SORCS1: variants seen among roughly 807,000 people sequenced by gnomAD.
SORCS1 encodes sortilin related VPS10 domain containing receptor 1, also known as VPS10 domain-containing receptor SorCS1.
SORCS1 carries 60 observed loss-of-function variants against 146.1 expected under a neutral mutation model. That is an observed-to-expected ratio of 0.41 (90% confidence interval 0.33 to 0.51). The LOEUF (loss-of-function observed/expected upper bound fraction) is 0.51. Ranked by LOEUF, SORCS1 falls within the 20% of genes least tolerant of loss-of-function variation. The probability of loss-of-function intolerance (pLI) is 0.21; values close to 1 mark genes in which losing one functional copy is unlikely to be tolerated. For synonymous variants in SORCS1, 637 were observed against 584.0 expected (o/e 1.09, Z -1.31); for missense variants, 1,352 against 1,487.6 (o/e 0.91, Z 1.50).
the SORCS1 span, among the ~76,000 whole-genome samples, chr10:107,173,635 C>T: frequency 7.7e-3 from 1,164 of 152,156 alleles, 7 homozygotes; most frequent in Non-Finnish European, 0.013. Flanking sequence ...TCTTTTCCTA[C>T]CTCATGTTTG....
At chr10:107,083,110 C>CAAAAAA (rs538577059) in intron 1 of SORCS1, among the ~76,000 whole-genome samples, 9 of 60,462 alleles carry the variant, frequency 1.5e-4, no homozygotes, top group Non-Finnish European at 2.3e-4. Flanking sequence ...CTCCAACTCA[C>CAAAAAA]AAAAAAAAAA....
intron 23 of SORCS1, among the ~76,000 whole-genome samples, chr10:106,599,684 G>A (rs183211429): frequency 5.3e-5 from 8 of 152,142 alleles, no homozygotes; most frequent in African/African-American, 1.7e-4. Context: ...TTTATCACAT[G>A]GACTAAAGGG....
chr10:106,820,095 T>A (rs1374150000), intron 3 of SORCS1, among the ~76,000 whole-genome samples: 2 of 152,162 alleles, frequency 1.3e-5, no homozygotes, highest in Admixed American at 1.3e-4. Context: ...TTTTTACATA[T>A]CTTTTGTTTT....
chr10:107,079,298 A>G (rs541489683), intron 1 of SORCS1, among the ~76,000 whole-genome samples: 14 of 152,270 alleles, frequency 9.2e-5, no homozygotes, highest in African/African-American at 3.1e-4. Flanking sequence ...CACTAAATAT[A>G]GGATTTTTAC....
At chr10:107,144,169 A>T (rs1315407972) in intron 1 of SORCS1, among the ~76,000 whole-genome samples, 1 of 152,158 alleles carries the variant, frequency 6.6e-6, no homozygotes, top group African/African-American at 2.4e-5. Flanking sequence ...CATATGTGAT[A>T]TCTTCTTCAA....
chr10:107,037,060 A>G (rs1958935727), intron 1 of SORCS1, among the ~76,000 whole-genome samples: 1 of 151,770 alleles, frequency 6.6e-6, no homozygotes, highest in African/African-American at 2.4e-5. Context: ...AGCCTGGCTA[A>G]CATGGTGAAA....
In SORCS1 at chr10:106,629,355, A is replaced by C; in HGVS notation, c.2509T>G (p.Phe837Val). Residue 837 changes from phenylalanine (F) to valine (V), a missense_variant, in exon 19 of 26, where the codon TTT (phenylalanine) becomes GTT (valine). Transcript: ENST00000263054. ...TAAGACACCGCGATACCATCGCCAA[A>C]GTCCACTTGGATGAGTGTCCGCTGA... ...DVQRTLIQVD[F>V]GDGIAVSYVN... 6.2e-7 allele frequency: 1 copy of C among 1,614,166 alleles called. No homozygotes were observed. The highest frequency in any genetic ancestry group is 8.5e-7 in the Non-Finnish European group (1 of 1,180,000).
At chr10:106,598,236 A>AT (rs1554874271) in intron 23 of SORCS1, among the ~76,000 whole-genome samples, 16 of 140,492 alleles carry the variant, frequency 1.1e-4, no homozygotes, top group Non-Finnish European at 1.8e-4. Flanking sequence ...CACTCCTATT[A>AT]TATTATTATT....
intron 1 of SORCS1, among the ~76,000 whole-genome samples, chr10:107,072,910 C>T (rs1480162666): frequency 2.0e-5 from 3 of 152,142 alleles, no homozygotes; most frequent in Non-Finnish European, 4.4e-5. Flanking sequence ...AGGCCACTTT[C>T]CTAGTAGGGC....
intron 5 of SORCS1, among the ~76,000 whole-genome samples, chr10:106,749,340 C>T (rs970447016): frequency 7.9e-5 from 12 of 152,270 alleles, no homozygotes; most frequent in African/African-American, 2.2e-4. Flanking sequence ...TGAGACTGCC[C>T]GCCTTGTGAC....
At chr10:106,640,400 T>G (rs1325674229) in intron 18 of SORCS1, among the ~76,000 whole-genome samples, 1 of 152,250 alleles carries the variant, frequency 6.6e-6, no homozygotes, top group East Asian at 1.9e-4. Flanking sequence ...TCAGTCTTTG[T>G]ATGTAAATTG....
chr10:106,980,456 C>T (rs551678576), intron 1 of SORCS1, among the ~76,000 whole-genome samples: 2 of 152,168 alleles, frequency 1.3e-5, no homozygotes, highest in Non-Finnish European at 2.9e-5. Context: ...CAACTCTGTC[C>T]TGTTTATAAA....
the SORCS1 span, among the ~76,000 whole-genome samples, chr10:107,178,651 G>A: frequency 6.6e-6 from 1 of 151,960 alleles, no homozygotes; most frequent in African/African-American, 2.4e-5. Context: ...ACCACACCCA[G>A]CTAATTTTTG....
In SORCS1 at chr10:106,819,677, C is replaced by A. The variant is rs554715402; in HGVS notation, c.726+9897G>T. ...CCTAGATCTAGGCCTACCACACCCCCACACTTGAGTCATAATTGTGCTTTC... is the reference window on the plus strand; with the variant it reads ...CCTAGATCTAGGCCTACCACACCCCAACACTTGAGTCATAATTGTGCTTTC... On this transcript the variant is annotated intron_variant, in intron 3 of 25. Transcript: ENST00000263054. Among the ~76,000 whole-genome samples, 6 of 152,268 alleles carry A rather than the reference C, an allele frequency of 3.9e-5. No individual in the cohort carries two copies. In the East Asian group the frequency reaches 9.6e-4, roughly 24 times the overall value.
chr10:107,098,027 G>A (rs1172083778), intron 1 of SORCS1, among the ~76,000 whole-genome samples: 1 of 152,096 alleles, frequency 6.6e-6, no homozygotes, highest in African/African-American at 2.4e-5. Context: ...GTTATTTTTT[G>A]CAAAGCACTA....
At chr10:107,166,836 A>C (rs912061675), upstream of SORCS1, among the ~76,000 whole-genome samples, 8 of 152,258 alleles carry the variant, frequency 5.3e-5, no homozygotes, top group African/African-American at 1.9e-4. Flanking sequence ...GAAGAAGCAA[A>C]ATGGAAAAGA....
intron 1 of SORCS1, among the ~76,000 whole-genome samples, chr10:107,133,498 G>A (rs372748964): frequency 1.3e-5 from 2 of 152,252 alleles, no homozygotes; most frequent in East Asian, 3.9e-4. Flanking sequence ...TATTTCTGAA[G>A]CCTTTCAATA....
chr10:107,090,426 C>A lies in SORCS1; in HGVS notation c.558+73543G>T, dbSNP rs572236337. Reference sequence around the variant, plus strand: ...GAAAGAGAGCACAGAGGAGTTTGGACTTGTAATTCAGGTTGGGTCACGGCT... The same window carrying A: ...GAAAGAGAGCACAGAGGAGTTTGGAATTGTAATTCAGGTTGGGTCACGGCT... On this transcript the variant is annotated intron_variant, in intron 1 of 25. Coordinates refer to ENST00000263054, the MANE Select transcript of SORCS1 (RefSeq NM_052918.5). Among the ~76,000 whole-genome samples, 11 of 152,272 alleles carry A rather than the reference C, an allele frequency of 7.2e-5. No individual in the cohort carries two copies. In the East Asian group the frequency reaches 1.9e-3, roughly 27 times the overall value.
chr10:107,102,122 T>C (rs903495106), intron 1 of SORCS1, among the ~76,000 whole-genome samples: 39 of 152,342 alleles, frequency 2.6e-4, no homozygotes, highest in East Asian at 1.2e-3. Flanking sequence ...ATGCAACACA[T>C]GATATGTATT....
Sources: gnomAD v4.1 joint callset for allele counts (sites outside exome capture counted in the v4.1 genomes callset) on GRCh38, gnomAD v4.1.1 for gene constraint, MANE v1.5 for transcripts, NCBI Gene and HGNC (gene_info 2026-07-23, HGNC 2026-07-21) for gene names.